Variants in DCDC2 observed in about 807,000 individuals in gnomAD.
DCDC2 encodes doublecortin domain containing 2, also known as doublecortin domain-containing protein 2.
DCDC2 carries 40 observed loss-of-function variants against 50.2 expected under a neutral mutation model. That is an observed-to-expected ratio of 0.80 (90% confidence interval 0.62 to 1.04). The LOEUF (loss-of-function observed/expected upper bound fraction) is 1.04, where lower values mean the gene tolerates loss of function less well. Ranked by LOEUF, DCDC2 falls within the 50% of genes least tolerant of loss-of-function variation. DCDC2 has a pLI of 0.00. For synonymous variants in DCDC2, 234 were observed against 210.6 expected (o/e 1.11, Z -0.96); for missense variants, 570 against 581.9 (o/e 0.98, Z 0.21).
At chr6:24,186,483 G>A (rs1296294619) in intron 8 of DCDC2, among the ~76,000 whole-genome samples, 2 of 152,116 alleles carry the variant, frequency 1.3e-5, no homozygotes, top group Non-Finnish European at 2.9e-5. Flanking sequence ...GCGTGCACAT[G>A]CGTGCATGTG....
At chr6:24,334,257 T>A (rs1208201840) in intron 2 of DCDC2, among the ~76,000 whole-genome samples, 1 of 152,228 alleles carries the variant, frequency 6.6e-6, no homozygotes, top group Non-Finnish European at 1.5e-5. Flanking sequence ...TTATCATGGG[T>A]ATACTTACTG....
rs146097020 is a variant in DCDC2, at chr6:24,223,900, A to C, written c.923-18798T>G. Among the ~76,000 whole-genome samples the C allele has an allele frequency of 5.4e-4, 82 of 152,328 alleles. 1 individual carries two copies. The Middle Eastern group carries it at 0.01, about 19-fold the overall frequency. On this transcript the variant is annotated intron_variant, in intron 7 of 9. Coordinates refer to ENST00000378454, the MANE Select transcript of DCDC2 (RefSeq NM_016356.5). ...GCTTAACAGTTCAAACTGTTCTTAA[A>C]CTTCAGTGTGCCGAGCTTTCCCATC...
At chr6:24,380,097 G>A in the DCDC2 span, among the ~76,000 whole-genome samples, 2 of 151,886 alleles carry the variant, frequency 1.3e-5, no homozygotes, top group African/African-American at 4.8e-5. Flanking sequence ...GTAAATGATG[G>A]GTTGATGGGT....
chr6:24,327,847 T>A (rs1233492566), intron 2 of DCDC2, among the ~76,000 whole-genome samples: 2 of 152,142 alleles, frequency 1.3e-5, no homozygotes, highest in African/African-American at 2.4e-5. Flanking sequence ...ATAAAAAAAA[T>A]TTCTAAAAGC....
At chr6:24,192,561 A>G (rs1245766235) in intron 8 of DCDC2, among the ~76,000 whole-genome samples, 3 of 152,174 alleles carry the variant, frequency 2.0e-5, no homozygotes, top group African/African-American at 7.2e-5. Context: ...TAGAACATCA[A>G]TCCTCAGAGA....
intron 7 of DCDC2, among the ~76,000 whole-genome samples, chr6:24,230,478 C>T (rs1304853758): frequency 6.6e-6 from 1 of 151,846 alleles, no homozygotes; most frequent in Non-Finnish European, 1.5e-5. Flanking sequence ...CCCGCCACTA[C>T]AAAAAAATAA....
chr6:24,328,832 C>T (rs894261859), intron 2 of DCDC2, among the ~76,000 whole-genome samples: 3 of 152,152 alleles, frequency 2.0e-5, no homozygotes, highest in East Asian at 1.9e-4. Context: ...CGCATATCTA[C>T]GCTTGCTGGA....
intron 2 of DCDC2, among the ~76,000 whole-genome samples, chr6:24,312,461 AT>A (rs375284737): frequency 2.7e-5 from 4 of 149,118 alleles, no homozygotes; most frequent in Admixed American, 6.6e-5. Flanking sequence ...ATATAATAAT[AT>A]TTTTTTTTAA....
chr6:24,201,912 C>A (rs1307738062), intron 8 of DCDC2, among the ~76,000 whole-genome samples: 2 of 152,076 alleles, frequency 1.3e-5, no homozygotes, highest in Admixed American at 1.3e-4. Context: ...AATTCATGGA[C>A]ACATACACCC....
upstream of DCDC2, among the ~76,000 whole-genome samples, chr6:24,358,707 A>T (rs13200182): frequency 4.7e-4 from 39 of 82,842 alleles, 1 homozygote; most frequent in Admixed American, 9.6e-4. Flanking sequence ...TATTTTTTTT[A>T]TATATATATT....
At chr6:24,175,632 A>T (rs1482659917) in intron 9 of DCDC2, among the ~76,000 whole-genome samples, 1 of 152,150 alleles carries the variant, frequency 6.6e-6, no homozygotes, top group Non-Finnish European at 1.5e-5. Context: ...AAATGTCTCA[A>T]ATGGTATCTT....
intron 7 of DCDC2, among the ~76,000 whole-genome samples, chr6:24,257,829 A>C (rs1244317828): frequency 6.6e-6 from 1 of 152,176 alleles, no homozygotes; most frequent in Admixed American, 6.5e-5. Flanking sequence ...TCTGGAAAAA[A>C]GGCTGCAGTA....
chr6:24,353,131 C>T (rs566219751), intron 2 of DCDC2: 3 of 329,020 alleles, frequency 9.1e-6, no homozygotes, highest in Admixed American at 9.4e-5. Context: ...AAGTGTCCAA[C>T]GTGACATCTA....
intron 7 of DCDC2, among the ~76,000 whole-genome samples, chr6:24,214,607 T>C (rs1761937919): frequency 6.6e-6 from 1 of 152,206 alleles, no homozygotes; most frequent in South Asian, 2.1e-4. Context: ...CAAGTGTATA[T>C]ATAGCTTTAA....
rs57865332 is a variant in DCDC2 at position 24,232,004 on chromosome 6, T to TACAC, written c.923-26906_923-26903dup. Among the ~76,000 whole-genome samples the TACAC allele has an allele frequency of 9.2e-3, 1,365 of 148,486 alleles. 10 individuals are homozygous for TACAC. Among genetic ancestry groups the TACAC allele is most frequent in the African/African-American group, 0.019 (767 of 40,088 alleles). ...TGACTTTAGTAATTTCATATATATA[T>TACAC]ACACACACACACACACACACACACA... On this transcript the variant is annotated intron_variant, in intron 7 of 9. Coordinates refer to ENST00000378454, the MANE Select transcript of DCDC2 (RefSeq NM_016356.5).
At chr6:24,264,941 G>T (rs1763087166) in intron 7 of DCDC2, among the ~76,000 whole-genome samples, 1 of 151,944 alleles carries the variant, frequency 6.6e-6, no homozygotes, top group African/African-American at 2.4e-5. Flanking sequence ...ATTCCATGCA[G>T]ATGGAAACCA....
chr6:24,210,071 T>TCTGTCTGC (rs1312891761), intron 7 of DCDC2, among the ~76,000 whole-genome samples: 1 of 140,822 alleles, frequency 7.1e-6, no homozygotes, highest in African/African-American at 2.8e-5. Flanking sequence ...TGTCTGTCTG[T>TCTGTCTGC]CTGCCTGCCT....
intron 7 of DCDC2, among the ~76,000 whole-genome samples, chr6:24,214,419 A>C (rs548069352): frequency 6.6e-6 from 1 of 152,338 alleles, no homozygotes; most frequent in African/African-American, 2.4e-5. Context: ...CAGATATTTC[A>C]GATTCTCATG....
intron 7 of DCDC2, among the ~76,000 whole-genome samples, chr6:24,249,347 G>A (rs1266321465): frequency 6.6e-6 from 1 of 152,180 alleles, no homozygotes; most frequent in Non-Finnish European, 1.5e-5. Flanking sequence ...CTGATAGTTT[G>A]AGTCCCATGT....
Sources: gnomAD v4.1 joint callset for allele counts (sites outside exome capture counted in the v4.1 genomes callset) on GRCh38, gnomAD v4.1.1 for gene constraint, MANE v1.5 for transcripts, NCBI Gene and HGNC (gene_info 2026-07-23, HGNC 2026-07-21) for gene names.